The following GRIK4 variants were observed in gnomAD, a reference collection of about 807,000 sequenced individuals.
GRIK4 encodes the protein glutamate receptor ionotropic, kainate 4.
Under a neutral mutation model 104.9 loss-of-function variants are expected in GRIK4, and 40 were observed. That is an observed-to-expected ratio of 0.38 (90% CI 0.30 to 0.50). The LOEUF (loss-of-function observed/expected upper bound fraction) is 0.50, where lower values mean the gene tolerates loss of function less well. GRIK4 is among the 20% of genes least tolerant of loss of function. The probability of loss-of-function intolerance (pLI) is 0.93; values close to 1 mark genes in which losing one functional copy is unlikely to be tolerated. For missense variants in GRIK4, 1,047 were observed against 1,308.1 expected (o/e 0.80, Z 3.08); for synonymous variants, 485 against 524.9 (o/e 0.92, Z 1.04).
At chr11:120,785,761 G>A (rs1429272849) in intron 3 of GRIK4, among the ~76,000 whole-genome samples, 1 of 152,186 alleles carries the variant, frequency 6.6e-6, no homozygotes, top group Non-Finnish European at 1.5e-5. Context: ...CAGGGAAATG[G>A]TTCTCTGCAG....
intron 1 of GRIK4, among the ~76,000 whole-genome samples, chr11:120,642,594 C>T (rs1166236705): frequency 2.0e-5 from 3 of 151,912 alleles, no homozygotes; most frequent in African/African-American, 7.3e-5. Flanking sequence ...TCACTCTTCT[C>T]ATCTCTCTTG....
Position 120,865,485 on chromosome 11 carries a change from T to G in GRIK4, c.906+3365T>G, listed in dbSNP as rs1035723981. Among the ~76,000 whole-genome samples the G allele has an allele frequency of 2.6e-5, 4 of 152,238 alleles. No individual in the cohort carries two copies. The South Asian group carries it at 8.3e-4, about 32-fold the overall frequency. On this transcript the variant is annotated intron_variant, in intron 9 of 20. Coordinates refer to ENST00000527524, the MANE Select transcript of GRIK4 (RefSeq NM_014619.5). ...CATGCAAGGGTTGGCTAATCCAGAC[T>G]GGGCCTACTTGGGGCCAGTACCTCT...
At chr11:120,907,673 G>A (rs1942898561) in intron 13 of GRIK4, among the ~76,000 whole-genome samples, 2 of 152,196 alleles carry the variant, frequency 1.3e-5, no homozygotes, top group East Asian at 1.9e-4. Flanking sequence ...GCATTCTTGT[G>A]TAATTTCAAG....
chr11:120,606,377 A>G (rs1488369981), intron 1 of GRIK4, among the ~76,000 whole-genome samples: 1 of 152,202 alleles, frequency 6.6e-6, no homozygotes, highest in African/African-American at 2.4e-5. Context: ...GGCCACATGT[A>G]TCATCCCCAG....
intron 1 of GRIK4, among the ~76,000 whole-genome samples, chr11:120,594,955 C>T (rs1161843543): frequency 1.3e-5 from 2 of 152,126 alleles, no homozygotes; most frequent in Non-Finnish European, 2.9e-5. Flanking sequence ...CCACCCCCAG[C>T]GAGGGAGACA....
chr11:120,694,553 A>G (rs376375434), intron 3 of GRIK4, among the ~76,000 whole-genome samples: 12 of 152,140 alleles, frequency 7.9e-5, no homozygotes, highest in African/African-American at 2.9e-4. Context: ...TCAACATTTC[A>G]CTGCAGCCAC....
intron 3 of GRIK4, among the ~76,000 whole-genome samples, chr11:120,674,045 C>G (rs1264719033): frequency 6.6e-6 from 1 of 152,110 alleles, no homozygotes; most frequent in Non-Finnish European, 1.5e-5. Flanking sequence ...CTGTGATGGC[C>G]CCTCTGAGAC....
At chr11:120,982,331 A>G (rs925398522) in intron 20 of GRIK4, 107 bp downstream of exon 20, 1 of 718,554 alleles carries the variant, frequency 1.4e-6, no homozygotes, top group African/African-American at 1.7e-5. Context: ...GAAGTGCAGC[A>G]AAGAGAATCC....
chr11:120,962,967 C>T (rs1591338290), intron 18 of GRIK4: 2 of 281,364 alleles, frequency 7.1e-6, no homozygotes, highest in South Asian at 2.1e-4. Context: ...TATTAAAGGG[C>T]ATGTTAATGT....
intron 1 of GRIK4, among the ~76,000 whole-genome samples, chr11:120,602,936 C>T (rs1211517598): frequency 6.6e-6 from 1 of 152,204 alleles, no homozygotes; most frequent in Admixed American, 6.5e-5. Context: ...CTCCTGGCCT[C>T]AAACAGTCTT....
At chr11:120,810,313 A>G (rs892168387) in intron 4 of GRIK4, among the ~76,000 whole-genome samples, 5 of 152,208 alleles carry the variant, frequency 3.3e-5, no homozygotes, top group Admixed American at 2.0e-4. Flanking sequence ...ATAAGAATTT[A>G]TTTTCAGGAG....
chr11:120,934,729 GGA>G (rs1181043575), intron 13 of GRIK4, among the ~76,000 whole-genome samples: 1 of 152,120 alleles, frequency 6.6e-6, no homozygotes, highest in Non-Finnish European at 1.5e-5. Context: ...AATAGGGAGA[GGA>G]GAGAGGTCTT....
intron 6 of GRIK4, among the ~76,000 whole-genome samples, chr11:120,824,106 T>G (rs1953193351): frequency 6.6e-6 from 1 of 152,230 alleles, no homozygotes; most frequent in Non-Finnish European, 1.5e-5. Context: ...CCATGAAAAT[T>G]AGGCATAACG....
Position 120,549,339 on chromosome 11 carries a change from C to T in GRIK4, c.-159+37452C>T, listed in dbSNP as rs191879395. 6.6e-6 allele frequency among the ~76,000 whole-genome samples: 1 copy of T among 152,268 alleles called. No individual in the cohort carries two copies. The highest frequency in any genetic ancestry group is 1.9e-4 in the East Asian group (1 of 5,180). On this transcript the variant is annotated intron_variant, in intron 1 of 20. Coordinates refer to ENST00000527524, the MANE Select transcript of GRIK4 (RefSeq NM_014619.5). This position sits in a 1 kb window ranked among gnomAD's most constrained non-coding sequence, Gnocchi z 4.7. ...GCCAGGCTGGTCTCAAACTCTTGACCTCATGATGCACCCACCTTGGACTCC... is the reference window on the plus strand; with the variant it reads ...GCCAGGCTGGTCTCAAACTCTTGACTTCATGATGCACCCACCTTGGACTCC...
At chr11:120,749,752 A>G (rs1725090408) in intron 3 of GRIK4, among the ~76,000 whole-genome samples, 1 of 152,098 alleles carries the variant, frequency 6.6e-6, no homozygotes, top group South Asian at 2.1e-4. Flanking sequence ...CCACAGCACA[A>G]CCTTCAGCAT....
chr11:120,525,230 G>A (rs1484376735), intron 1 of GRIK4, among the ~76,000 whole-genome samples: 4 of 152,146 alleles, frequency 2.6e-5, no homozygotes, highest in African/African-American at 9.7e-5. Context: ...GAGTCTAGCC[G>A]TCTCATTTCA....
At chr11:120,708,071 A>G (rs1304847713) in intron 3 of GRIK4, among the ~76,000 whole-genome samples, 1 of 152,160 alleles carries the variant, frequency 6.6e-6, no homozygotes, top group Non-Finnish European at 1.5e-5. Flanking sequence ...TCATAAGAAT[A>G]CCTGGGATGG....
chr11:120,877,011 A>G (rs949241305), intron 11 of GRIK4, among the ~76,000 whole-genome samples: 7 of 152,266 alleles, frequency 4.6e-5, no homozygotes, highest in Admixed American at 2.6e-4. Flanking sequence ...AGGAGATCGT[A>G]ATTATGCTGG....
intron 6 of GRIK4, among the ~76,000 whole-genome samples, chr11:120,830,327 A>G (rs1953388297): frequency 6.6e-6 from 1 of 152,054 alleles, no homozygotes; most frequent in Non-Finnish European, 1.5e-5. Context: ...GCCTGGTCTC[A>G]TGGTAAGAGG....
Sources: allele counts gnomAD v4.1 joint callset (sites outside exome capture counted in the v4.1 genomes callset), GRCh38; gene constraint gnomAD v4.1.1; non-coding constraint Gnocchi (gnomAD v3.1); transcripts MANE v1.5; gene names NCBI Gene and HGNC (gene_info 2026-07-23, HGNC 2026-07-21).